Variants in PGBD2 observed in about 807,000 individuals in gnomAD.
PGBD2 encodes the protein piggyBac transposable element-derived protein 2.
In PGBD2, 6 loss-of-function variants were observed where a neutral mutation model predicts 8.1. The ratio of observed to expected loss-of-function variants is 0.74; its 90% CI spans 0.40 to 1.46. The LOEUF (loss-of-function observed/expected upper bound fraction) is 1.46, where lower values mean the gene tolerates loss of function less well. Among genes scored for constraint, PGBD2 ranks in the 40% most tolerant of loss-of-function variants. The pLI is 0.02. For synonymous variants in PGBD2, 318 were observed against 272.2 expected (o/e 1.17, Z -1.66); for missense variants, 802 against 739.0 (o/e 1.09, Z -0.99).
intron 1 of PGBD2, among the ~76,000 whole-genome samples, chr1:248,913,163 C>T (rs1661973295): frequency 6.6e-6 from 1 of 152,126 alleles, no homozygotes; most frequent in Admixed American, 6.5e-5. Context: ...TCCCCCCTCA[C>T]CCCATCTCAT....
At chr1:248,889,600 A>T in the PGBD2 span, among the ~76,000 whole-genome samples, 2,224 of 152,258 alleles carry the variant, frequency 0.015, 56 homozygotes, top group African/African-American at 0.05. Flanking sequence ...AACTACAAGC[A>T]GCCAGAAAAG....
intron 1 of PGBD2, among the ~76,000 whole-genome samples, chr1:248,907,569 G>A (rs1038946048): frequency 8.5e-5 from 13 of 152,292 alleles, no homozygotes; most frequent in Non-Finnish European, 1.6e-4. Context: ...GACAATACCC[G>A]GCTTTCCAGG....
chr1:248,921,666 G>A (rs144166494), downstream of PGBD2, among the ~76,000 whole-genome samples: 117 of 152,268 alleles, frequency 7.7e-4, no homozygotes, highest in East Asian at 1.5e-3. Flanking sequence ...TTACAATTCT[G>A]TGAAGAAAGT....
At chr1:248,923,839 A>C (rs1433001857), downstream of PGBD2, among the ~76,000 whole-genome samples, 1 of 152,206 alleles carries the variant, frequency 6.6e-6, no homozygotes, top group Non-Finnish European at 1.5e-5. Flanking sequence ...CTCAGTGAGA[A>C]TTCTGGCTGG....
chr1:248,874,578 A>C, the PGBD2 span, among the ~76,000 whole-genome samples: 1 of 152,170 alleles, frequency 6.6e-6, no homozygotes, highest in East Asian at 1.9e-4. Flanking sequence ...TATGCCAAAA[A>C]TGGCTGGTCT....
the PGBD2 span, among the ~76,000 whole-genome samples, chr1:248,881,765 A>G: frequency 6.6e-6 from 1 of 152,206 alleles, no homozygotes; most frequent in Non-Finnish European, 1.5e-5. Flanking sequence ...GAGTTCTACA[A>G]TCTTTGCTGT....
Position 248,917,462 on chromosome 1 carries a change from GC to G in PGBD2, c.879del (p.Tyr294ThrfsTer33), listed in dbSNP as rs1279515467. On this transcript the variant is annotated frameshift_variant, in exon 3 of 3. Coordinates refer to ENST00000329291, the MANE Select transcript of PGBD2 (RefSeq NM_170725.3). LOFTEE classifies it low-confidence loss of function (END_TRUNC). ...QLHRGKPVRL[G>X]YKIWCGTTSR... The stretch of plus-strand genomic sequence containing the variant: ...CACAGGGGGAAGCCTGTGCGACTTG[GC>G]TACAAGATTTGGTGTGGGACAACCA... 2 of 1,614,080 alleles carry G rather than the reference GC, an allele frequency of 1.2e-6. No individual in the cohort carries two copies. The highest frequency in any genetic ancestry group is 1.7e-6 in the Non-Finnish European group (2 of 1,180,022).
chr1:248,889,162 A>G, the PGBD2 span, among the ~76,000 whole-genome samples: 1 of 152,220 alleles, frequency 6.6e-6, no homozygotes, highest in Non-Finnish European at 1.5e-5. Flanking sequence ...CAAGGTGGGC[A>G]GATCATGAGG....
chr1:248,907,413 C>T (rs143523484), intron 1 of PGBD2, among the ~76,000 whole-genome samples: 37 of 152,348 alleles, frequency 2.4e-4, no homozygotes, highest in Non-Finnish European at 4.4e-4. Context: ...AGGCAGGACA[C>T]AGTGGCCTTC....
At chr1:248,929,986 A>C in the PGBD2 span, among the ~76,000 whole-genome samples, 6 of 152,172 alleles carry the variant, frequency 3.9e-5, no homozygotes, top group African/African-American at 1.4e-4. Context: ...CGTTGTCCTT[A>C]AGACTGACCT....
At position 248,918,318 on chromosome 1, in the gene PGBD2, G is replaced by GA; in HGVS notation, c.1736dup (p.Val581CysfsTer16). On this transcript the variant is annotated frameshift_variant, in exon 3 of 3. Transcript: ENST00000329291. LOFTEE classifies it high-confidence loss of function. ...CCAACACCCGGTGTGAGAAGTGCCA[G>GA]AAGGGTGTCCATGCCAAATGCTTCA... 1 of 1,581,586 alleles carries GA rather than the reference G, an allele frequency of 6.3e-7. No homozygotes were observed. Among genetic ancestry groups the GA allele is most frequent in the South Asian group, 1.2e-5 (1 of 84,494 alleles).
intron 2 of PGBD2, among the ~76,000 whole-genome samples, chr1:248,914,848 T>C (rs917522508): frequency 1.3e-5 from 2 of 152,200 alleles, no homozygotes; most frequent in African/African-American, 4.8e-5. Flanking sequence ...CCTGGTTCTC[T>C]CTGGCTCTGC....
the PGBD2 span, among the ~76,000 whole-genome samples, chr1:248,893,748 A>G: frequency 1.5e-4 from 23 of 152,318 alleles, no homozygotes; most frequent in Admixed American, 5.9e-4. Flanking sequence ...TTTTGGCTAC[A>G]TACCCACAAG....
At chr1:248,906,538 G>T (rs1317032073) in intron 1 of PGBD2, 196 bp downstream of exon 1, 1 of 150,890 alleles carries the variant, frequency 6.6e-6, no homozygotes, top group African/African-American at 2.4e-5. Context: ...TCTGCGGGTT[G>T]GGGTGCGAGG....
chr1:248,882,352 A>G, the PGBD2 span, among the ~76,000 whole-genome samples: 57 of 152,362 alleles, frequency 3.7e-4, no homozygotes, highest in African/African-American at 1.3e-3. Context: ...AGTACAGTAT[A>G]CAGAGATAAG....
At chr1:248,911,048 C>T (rs1661852658) in intron 1 of PGBD2, among the ~76,000 whole-genome samples, 1 of 152,142 alleles carries the variant, frequency 6.6e-6, no homozygotes, top group Admixed American at 6.5e-5. Context: ...GCCCCCCCAT[C>T]TCGAGCACCC....
the PGBD2 span, among the ~76,000 whole-genome samples, chr1:248,926,349 T>C: frequency 6.6e-6 from 1 of 152,184 alleles, no homozygotes; most frequent in African/African-American, 2.4e-5. Flanking sequence ...GTAAAGGCTA[T>C]TAAAACATAT....
At chr1:248,905,373 A>C (rs1331423151), upstream of PGBD2, among the ~76,000 whole-genome samples, 10 of 152,182 alleles carry the variant, frequency 6.6e-5, no homozygotes, top group Non-Finnish European at 8.8e-5. Context: ...TTTTCTGCGG[A>C]GTACACTGTC....
the PGBD2 span, among the ~76,000 whole-genome samples, chr1:248,928,573 G>C: frequency 6.6e-6 from 1 of 152,134 alleles, no homozygotes; most frequent in African/African-American, 2.4e-5. Flanking sequence ...ATCTGAGGTA[G>C]GATGTTTCTA....
Sources: gnomAD v4.1 joint callset for allele counts (sites outside exome capture counted in the v4.1 genomes callset) on GRCh38, gnomAD v4.1.1 for gene constraint, MANE v1.5 for transcripts, NCBI Gene and HGNC (gene_info 2026-07-23, HGNC 2026-07-21) for gene names.